The following CCDC178 variants were observed in gnomAD, a reference collection of about 807,000 sequenced individuals.
CCDC178 encodes the protein coiled-coil domain-containing protein 178.
A neutral mutation model predicts 117.4 loss-of-function variants in CCDC178; 126 were observed. The observed-to-expected ratio is 1.07, with a 90% CI of 0.93 to 1.24. The LOEUF (loss-of-function observed/expected upper bound fraction) is 1.24, where lower values mean the gene tolerates loss of function less well. CCDC178 is among the 50% of genes most tolerant of loss of function. CCDC178 has a pLI of 0.00. For missense variants in CCDC178, 1,030 were observed against 986.9 expected (o/e 1.04, Z -0.59); for synonymous variants, 283 against 313.4 (o/e 0.90, Z 1.02).
At chr18:33,306,491 TTA>T (rs1186708292) in intron 11 of CCDC178, among the ~76,000 whole-genome samples, 5 of 145,568 alleles carry the variant, frequency 3.4e-5, no homozygotes, top group African/African-American at 5.0e-5. Context: ...TAATATATGG[TTA>T]TATATATATG....
rs1039971979 is a variant in CCDC178, at chr18:33,147,752, C to T, written c.2239-54842G>A. Among the ~76,000 whole-genome samples the T allele has an allele frequency of 3.1e-4, 47 of 152,140 alleles. 1 individual carries two copies. The highest frequency in any genetic ancestry group is 1.1e-3 in the African/African-American group (44 of 41,410). On this transcript the variant is annotated intron_variant, in intron 20 of 22. Transcript: ENST00000383096. ...TTCTTAGTACAGAACAAAATGGAGT[C>T]TCCTACGTCTACTTCCCTCTACATA...
intron 21 of CCDC178, among the ~76,000 whole-genome samples, chr18:33,084,806 G>A (rs775371648): frequency 1.3e-4 from 19 of 144,294 alleles, no homozygotes; most frequent in Non-Finnish European, 1.8e-4. Context: ...GCGAGGCCCC[G>A]TCTCAAAAAA....
intron 21 of CCDC178, among the ~76,000 whole-genome samples, chr18:33,043,487 C>T (rs1042830700): frequency 3.9e-5 from 6 of 152,048 alleles, no homozygotes; most frequent in Non-Finnish European, 7.4e-5. Flanking sequence ...CTGAAAAAGG[C>T]ACTTACATCA....
intron 12 of CCDC178, 78 bp from the exon 13 acceptor site, chr18:33,267,375 T>C (rs2059832175): frequency 8.7e-6 from 7 of 803,326 alleles, no homozygotes; most frequent in South Asian, 2.3e-5. Context: ...AAATTAATCA[T>C]GATAAAGTAG....
rs903114951 is a variant in CCDC178, at chr18:33,013,304, G to A, written c.2389-38623C>T. On this transcript the variant is annotated intron_variant, in intron 21 of 22. Transcript: ENST00000383096. Reference sequence around the variant, plus strand: ...ATAGATACATTCTTTCAGGATCCAGGACTGTTTTGCTGGGTATGGACACTA... The same window carrying A: ...ATAGATACATTCTTTCAGGATCCAGAACTGTTTTGCTGGGTATGGACACTA... 2.6e-5 allele frequency among the ~76,000 whole-genome samples: 4 copies of A among 152,168 alleles called. No individual in the cohort carries two copies. In the South Asian group the frequency reaches 8.3e-4, roughly 32 times the overall value.
At position 32,944,642 on chromosome 18, in the gene CCDC178, G is replaced by A. The variant is rs16964122; in HGVS notation, c.2524-6551C>T. ...ATAACCAACTTTATAGCTATGTTGG[G>A]AAGTTTCCTGCTCACAACTTGAAAC... is the stretch of plus-strand genomic sequence containing the variant. On this transcript the variant is annotated intron_variant, in intron 22 of 22. Transcript: ENST00000383096. Among the ~76,000 whole-genome samples, 768 of 152,226 alleles carry A rather than the reference G, an allele frequency of 5.0e-3. 9 individuals are homozygous for A. Among genetic ancestry groups the A allele is most frequent in the African/African-American group, 0.018 (741 of 41,528 alleles).
intron 20 of CCDC178, among the ~76,000 whole-genome samples, chr18:33,099,845 A>G (rs1268060315): frequency 6.6e-6 from 1 of 152,012 alleles, no homozygotes; most frequent in Non-Finnish European, 1.5e-5. Context: ...CTGTGCTGCC[A>G]TGGAAACCAT....
At position 33,293,057 on chromosome 18, in the gene CCDC178, A is replaced by T. The variant is rs920539899; in HGVS notation, c.1176+102T>A. 8 of 725,040 alleles carry T rather than the reference A, an allele frequency of 1.1e-5. No individual in the cohort carries two copies. The Admixed American group carries it at 1.3e-4, about 12-fold the overall frequency. 44.9% of individuals were successfully genotyped at this position (725,040 alleles called of 1,614,324 possible). ...TAATACAGGCAAATTGGCTAAATAT[A>T]AAAAAATTGGCCAATTGCTATTTAA... On this transcript the variant is annotated intron_variant, in intron 12 of 22. Coordinates refer to ENST00000383096, the MANE Select transcript of CCDC178 (RefSeq NM_001105528.4).
intron 12 of CCDC178, among the ~76,000 whole-genome samples, chr18:33,267,560 AT>A (rs566145701): frequency 7.3e-4 from 111 of 151,916 alleles, no homozygotes; most frequent in South Asian, 1.0e-3. Context: ...CAAGAAAAAA[AT>A]GATTCAAATA....
intron 7 of CCDC178, among the ~76,000 whole-genome samples, chr18:33,355,255 G>A (rs2063037602): frequency 6.6e-6 from 1 of 152,120 alleles, no homozygotes; most frequent in Admixed American, 6.5e-5. Flanking sequence ...GTGGGTTATT[G>A]TTTGTTTAGT....
intron 12 of CCDC178, among the ~76,000 whole-genome samples, chr18:33,270,053 A>T (rs2059868482): frequency 6.6e-6 from 1 of 151,780 alleles, no homozygotes; most frequent in South Asian, 2.1e-4. Context: ...TAAAAACTCA[A>T]ATATAAATTT....
chr18:33,025,139 G>A (rs988649404), intron 21 of CCDC178, among the ~76,000 whole-genome samples: 1 of 152,170 alleles, frequency 6.6e-6, no homozygotes, highest in Non-Finnish European at 1.5e-5. Context: ...AGTGGACTTT[G>A]TTGTAGGGAT....
intron 20 of CCDC178, among the ~76,000 whole-genome samples, chr18:33,106,869 C>T (rs1045107100): frequency 6.6e-6 from 1 of 151,678 alleles, no homozygotes; most frequent in African/African-American, 2.4e-5. Flanking sequence ...AAACCTATAA[C>T]TGTCTTTGAA....
intron 3 of CCDC178, among the ~76,000 whole-genome samples, chr18:33,400,562 C>T (rs966392860): frequency 6.6e-6 from 1 of 152,154 alleles, no homozygotes; most frequent in Admixed American, 6.5e-5. Flanking sequence ...CATGAACCAA[C>T]TTCTGCAAGC....
At chr18:33,373,134 T>C (rs2063322183) in intron 5 of CCDC178, among the ~76,000 whole-genome samples, 1 of 152,170 alleles carries the variant, frequency 6.6e-6, no homozygotes, top group Non-Finnish European at 1.5e-5. Context: ...TAGCTTTTGT[T>C]ATACATGAGA....
intron 20 of CCDC178, among the ~76,000 whole-genome samples, chr18:33,170,874 TAAC>T (rs1568031867): frequency 6.6e-6 from 1 of 151,936 alleles, no homozygotes; most frequent in Admixed American, 6.6e-5. Flanking sequence ...GCCATTCTTA[TAAC>T]AACTTTATTC....
chr18:33,140,924 T>C (rs1398781132), intron 20 of CCDC178, among the ~76,000 whole-genome samples: 2 of 152,058 alleles, frequency 1.3e-5, no homozygotes, highest in Non-Finnish European at 2.9e-5. Flanking sequence ...TAGGAGGTGA[T>C]TGAGTTATGG....
chr18:33,405,082 T>C (rs932601250), intron 3 of CCDC178, among the ~76,000 whole-genome samples: 1 of 151,992 alleles, frequency 6.6e-6, no homozygotes, highest in South Asian at 2.1e-4. Context: ...TTGTAAACTT[T>C]AGAAAGGTAA....
intron 20 of CCDC178, among the ~76,000 whole-genome samples, chr18:33,136,861 A>C (rs1338781206): frequency 6.6e-6 from 1 of 152,210 alleles, no homozygotes; most frequent in Non-Finnish European, 1.5e-5. Flanking sequence ...TAAATTTTAA[A>C]AATTATCTAT....
Sources: gnomAD v4.1 joint callset for allele counts (sites outside exome capture counted in the v4.1 genomes callset) on GRCh38, gnomAD v4.1.1 for gene constraint, MANE v1.5 for transcripts, NCBI Gene and HGNC (gene_info 2026-07-23, HGNC 2026-07-21) for gene names.